The following MAPKAPK5 variants were observed in gnomAD, a reference collection of about 807,000 sequenced individuals.
MAPKAPK5 encodes the protein MAPK activated protein kinase 5.
Under a neutral mutation model 65.1 loss-of-function variants are expected in MAPKAPK5, and 30 were observed. That is an observed-to-expected ratio of 0.46 (90% CI 0.34 to 0.63). MAPKAPK5 has a LOEUF of 0.63. Ranked by LOEUF, MAPKAPK5 falls within the 20% of genes least tolerant of loss-of-function variation. MAPKAPK5 has a pLI of 0.01. For synonymous variants in MAPKAPK5, 179 were observed against 204.6 expected (o/e 0.87, Z 1.07); for missense variants, 433 against 581.4 (o/e 0.74, Z 2.63).
chr12:111,859,716 C>T (rs956576325), intron 1 of MAPKAPK5, among the ~76,000 whole-genome samples: 6 of 148,488 alleles, frequency 4.0e-5, no homozygotes, highest in Admixed American at 3.4e-4. Context: ...ATGGCATGAT[C>T]TCAGCTCACT....
At chr12:111,857,783 A>C (rs1214627235) in intron 1 of MAPKAPK5, among the ~76,000 whole-genome samples, 2 of 151,788 alleles carry the variant, frequency 1.3e-5, no homozygotes, top group Non-Finnish European at 2.9e-5. Flanking sequence ...TCTGGCTTGC[A>C]TTGTTTCTGA....
chr12:111,870,605 T>C (rs1043097725), intron 6 of MAPKAPK5, among the ~76,000 whole-genome samples: 1 of 152,198 alleles, frequency 6.6e-6, no homozygotes, highest in African/African-American at 2.4e-5. Context: ...GGATATTATT[T>C]GGAGGACCTT....
intron 8 of MAPKAPK5, among the ~76,000 whole-genome samples, chr12:111,881,437 C>A (rs2070222641): frequency 8.1e-6 from 1 of 124,154 alleles, no homozygotes; most frequent in Non-Finnish European, 1.6e-5. Context: ...CAGAGTCTTA[C>A]CCTGTCGCCC....
rs373948083 is a variant in MAPKAPK5, at chr12:111,883,760, T to A, written c.840T>A (p.Val280=). Residue 280 remains valine, a synonymous_variant, in exon 9 of 14, where the codon GTT becomes GTA. Coordinates refer to ENST00000550735, the MANE Select transcript of MAPKAPK5 (RefSeq NM_003668.4). The surrounding 1 kb of genome is among the most constrained non-coding windows in gnomAD (Gnocchi z 4.8). ...AGATCTCAGAGATGGCCAAAGATGT[T>A]GTGAGGAAGTGAGTTCACGGGCTGC... The part of the protein sequence containing the change: ...WSQISEMAKD[V]VRKLLKVKPE... The A allele has an allele frequency of 1.9e-6, 3 of 1,613,444 alleles. No individual in the cohort carries two copies. The highest frequency in any genetic ancestry group is 2.5e-6 in the Non-Finnish European group (3 of 1,179,656).
chr12:111,843,609 C>T (rs1174042529), intron 1 of MAPKAPK5, among the ~76,000 whole-genome samples: 2 of 152,092 alleles, frequency 1.3e-5, no homozygotes, highest in African/African-American at 4.8e-5. Context: ...TTCATTTTAT[C>T]TTGAAGGACA....
rs1211527722 is a variant in MAPKAPK5 at position 111,901,756 on chromosome 12, A to G, written c.*8695A>G. ...AGTATATCAAACTCCTCAAGTACTGAGTGGGAATGAGATGTTTGGTGAAGT... is the reference window on the plus strand; with the variant it reads ...AGTATATCAAACTCCTCAAGTACTGGGTGGGAATGAGATGTTTGGTGAAGT... On this transcript the variant is annotated 3_prime_UTR_variant, in exon 14 of 14. Coordinates refer to ENST00000550735, the MANE Select transcript of MAPKAPK5 (RefSeq NM_003668.4). The G allele has an allele frequency of 4.9e-6, 1 of 202,704 alleles. No homozygotes were observed. Among genetic ancestry groups the G allele is most frequent in the Non-Finnish European group, 1.0e-5 (1 of 99,154 alleles). The allele number at this position is 202,704 out of a possible 1,614,324, so 12.6% of individuals were successfully genotyped here. A position where few individuals can be genotyped will look rare whatever the true frequency, so the allele number is the denominator to read the frequency against.
In MAPKAPK5 at chr12:111,888,517, C is replaced by T. The variant is rs751564095; in HGVS notation, c.999C>T (p.His333=). ...TGGTTGCAGGAATCCAGCAGGCTCA[C>T]GCGGAACAGTTGGCCAACATGAGAA... The part of the protein sequence containing the change: ...KAVVAGIQQA[H]AEQLANMRIQ... The change falls in exon 11 of 14, where the codon CAC becomes CAT. Residue 333 remains histidine (H), a synonymous_variant. Coordinates refer to ENST00000550735, the MANE Select transcript of MAPKAPK5 (RefSeq NM_003668.4). 59 of 1,613,858 alleles carry T rather than the reference C, an allele frequency of 3.7e-5. 1 individual carries two copies. Among genetic ancestry groups the T allele is most frequent in the South Asian group, 1.9e-4 (17 of 91,090 alleles).
chr12:111,856,447 C>T (rs1414994491), intron 1 of MAPKAPK5, among the ~76,000 whole-genome samples: 1 of 145,090 alleles, frequency 6.9e-6, no homozygotes, highest in Admixed American at 7.0e-5. Context: ...ACTCTGTCTA[C>T]CCAGGCTGGT....
intron 8 of MAPKAPK5, among the ~76,000 whole-genome samples, chr12:111,881,474 G>A (rs1161165792): frequency 4.2e-5 from 6 of 144,522 alleles, no homozygotes; most frequent in African/African-American, 1.3e-4. Context: ...GCACAATCTC[G>A]GCTCACTGCA....
intron 1 of MAPKAPK5, among the ~76,000 whole-genome samples, chr12:111,853,314 G>A (rs1192885168): frequency 6.6e-6 from 1 of 151,986 alleles, no homozygotes; most frequent in Non-Finnish European, 1.5e-5. Context: ...GGAGCTTATG[G>A]TGAGCCAAGA....
chr12:111,856,429 G>A (rs1246922926), intron 1 of MAPKAPK5, among the ~76,000 whole-genome samples: 7 of 131,590 alleles, frequency 5.3e-5, no homozygotes, highest in African/African-American at 8.8e-5. Context: ...TTTTTGAGAC[G>A]GAGTCTCACT....
chr12:111,872,593 T>C (rs907975033), intron 7 of MAPKAPK5, among the ~76,000 whole-genome samples: 5 of 152,196 alleles, frequency 3.3e-5, no homozygotes, highest in Admixed American at 2.6e-4. Flanking sequence ...AAATGTATTA[T>C]CTTATACTTC....
intron 1 of MAPKAPK5, among the ~76,000 whole-genome samples, chr12:111,856,187 C>G (rs1039359180): frequency 2.8e-4 from 42 of 152,098 alleles, no homozygotes; most frequent in African/African-American, 9.9e-4. Flanking sequence ...GTATGGATTT[C>G]CCAACTTTCC....
intron 7 of MAPKAPK5, chr12:111,879,980 CT>C (rs541781252): frequency 1.0e-5 from 2 of 194,168 alleles, no homozygotes; most frequent in South Asian, 2.2e-4. Context: ...TCTGGAGTTC[CT>C]CCTCATGGGA....
At chr12:111,856,371 G>T (rs905290573) in intron 1 of MAPKAPK5, among the ~76,000 whole-genome samples, 27 of 147,864 alleles carry the variant, frequency 1.8e-4, no homozygotes, top group Non-Finnish European at 1.9e-4. Flanking sequence ...AAATGCTCCA[G>T]TTTAGCTCCA....
intron 8 of MAPKAPK5, among the ~76,000 whole-genome samples, chr12:111,881,044 A>G (rs2070189173): frequency 6.6e-6 from 1 of 152,142 alleles, no homozygotes; most frequent in Non-Finnish European, 1.5e-5. Context: ...TTACTTGGTA[A>G]TATTACGGTT....
intron 1 of MAPKAPK5, among the ~76,000 whole-genome samples, chr12:111,856,294 C>G (rs921840078): frequency 4.0e-5 from 6 of 151,282 alleles, no homozygotes; most frequent in Non-Finnish European, 8.8e-5. Context: ...AGAATATGGC[C>G]TATCATAAGC....
chr12:111,851,137 A>T (rs1344855288), intron 1 of MAPKAPK5, among the ~76,000 whole-genome samples: 1 of 152,142 alleles, frequency 6.6e-6, no homozygotes, highest in East Asian at 1.9e-4. Flanking sequence ...ACCTCAAGTG[A>T]TCCGCCTGCC....
rs1252297689 is a variant in MAPKAPK5 at position 111,901,864 on chromosome 12, TAATTA to T, written c.*8808_*8812del. 6.5e-6 allele frequency: 1 copy of T among 154,316 alleles called. No individual in the cohort carries two copies. Among genetic ancestry groups the T allele is most frequent in the Non-Finnish European group, 1.4e-5 (1 of 69,552 alleles). The allele number at this position is 154,316 out of a possible 1,614,324, so 9.6% of individuals were successfully genotyped here. ...CTTTCACTTTTATTATTTATTTTGG[TAATTA>T]AATTTACATTAATTTAATATGTTAA... On this transcript the variant is annotated 3_prime_UTR_variant, in exon 14 of 14. Transcript: ENST00000550735.
Sources: gnomAD v4.1 joint callset for allele counts (sites outside exome capture counted in the v4.1 genomes callset) on GRCh38, gnomAD v4.1.1 for gene constraint, Gnocchi (gnomAD v3.1) non-coding constraint, MANE v1.5 for transcripts, NCBI Gene and HGNC (gene_info 2026-07-23, HGNC 2026-07-21) for gene names.